RSRC1: variants seen among roughly 807,000 people sequenced by gnomAD.
RSRC1 encodes the protein serine/Arginine-related protein 53.
A neutral mutation model predicts 49.1 loss-of-function variants in RSRC1; 39 were observed. The observed-to-expected ratio is 0.79, with a 90% CI of 0.61 to 1.04. The LOEUF is 1.04. Among genes scored for constraint, RSRC1 ranks in the 50% least tolerant of loss-of-function variants. The pLI, the probability that RSRC1 is intolerant of heterozygous loss-of-function variation, is 0.00. For missense variants in RSRC1, 388 were observed against 402.4 expected, an observed-to-expected ratio of 0.96 and a Z score of 0.31; for synonymous variants, 143 against 130.8, an observed-to-expected ratio of 1.09 and a Z score of -0.63.
intron 5 of RSRC1, among the ~76,000 whole-genome samples, chr3:158,327,749 T>A (rs992382813): frequency 9.9e-5 from 15 of 152,218 alleles, no homozygotes; most frequent in Non-Finnish European, 2.1e-4. Context: ...CTATTAGGTC[T>A]GCTTGGTGAA....
intron 4 of RSRC1, among the ~76,000 whole-genome samples, chr3:158,277,402 TTC>T (rs1725877126): frequency 6.6e-6 from 1 of 152,196 alleles, no homozygotes; most frequent in South Asian, 2.1e-4. Flanking sequence ...ATTTATAAAA[TTC>T]TGTTAGATTC....
At chr3:158,480,721 C>A (rs879395944) in intron 7 of RSRC1, among the ~76,000 whole-genome samples, 4 of 151,972 alleles carry the variant, frequency 2.6e-5, no homozygotes, top group Non-Finnish European at 5.9e-5. Context: ...TCTTCCCCTG[C>A]AAAATAAACA....
At chr3:158,350,439 G>C (rs1730809993) in intron 5 of RSRC1, among the ~76,000 whole-genome samples, 1 of 152,034 alleles carries the variant, frequency 6.6e-6, no homozygotes, top group Non-Finnish European at 1.5e-5. Context: ...CTCCCAAAGT[G>C]CTAGATTACG....
intron 7 of RSRC1, among the ~76,000 whole-genome samples, chr3:158,472,537 A>G (rs1738182795): frequency 6.6e-6 from 1 of 152,318 alleles, no homozygotes; most frequent in East Asian, 1.9e-4. Flanking sequence ...CATAATGCTC[A>G]GTTGGAAAAA....
intron 4 of RSRC1, among the ~76,000 whole-genome samples, chr3:158,281,499 C>T (rs1726167307): frequency 6.6e-6 from 1 of 151,974 alleles, no homozygotes; most frequent in South Asian, 2.1e-4. Flanking sequence ...AGACTAGGGC[C>T]CAGGACTGAT....
At chr3:158,239,099 C>T (rs1242540368) in intron 4 of RSRC1, among the ~76,000 whole-genome samples, 2 of 152,062 alleles carry the variant, frequency 1.3e-5, no homozygotes, top group South Asian at 2.1e-4. Flanking sequence ...AGCCAACAGA[C>T]ACATGAAAAA....
chr3:158,493,230 T>G (rs993909450), intron 7 of RSRC1, among the ~76,000 whole-genome samples: 2 of 152,324 alleles, frequency 1.3e-5, no homozygotes, highest in East Asian at 1.9e-4. Flanking sequence ...TGTTCACAAC[T>G]AAGCAGTTAT....
In RSRC1 at chr3:158,325,110, T is replaced by C. The variant is rs570800152; in HGVS notation, c.531+27035T>C. 3.9e-5 allele frequency among the ~76,000 whole-genome samples: 6 copies of C among 152,356 alleles called. No homozygotes were observed. The East Asian group carries it at 5.8e-4, about 15-fold the overall frequency. ...TTCTTGTAACTTTGTTTGAGTTCTT[T>C]GTAGATTCTGGATATTAGCCCTTTG... On this transcript the variant is annotated intron_variant, in intron 5 of 9. Coordinates refer to ENST00000611884, the MANE Select transcript of RSRC1 (RefSeq NM_001271838.2).
intron 7 of RSRC1, among the ~76,000 whole-genome samples, chr3:158,487,975 C>T: frequency 2.6e-5 from 1 of 37,868 alleles, no homozygotes. Context: ...AAAAAAAAAA[C>T]TGGCTGAATG....
intron 6 of RSRC1, among the ~76,000 whole-genome samples, chr3:158,400,266 A>G (rs1173120688): frequency 1.3e-5 from 2 of 152,122 alleles, no homozygotes; most frequent in Non-Finnish European, 2.9e-5. Flanking sequence ...TGATGCTGGT[A>G]TAAACAAACT....
At chr3:158,141,094 C>G (rs1453026060) in intron 3 of RSRC1, among the ~76,000 whole-genome samples, 1 of 152,174 alleles carries the variant, frequency 6.6e-6, no homozygotes, top group Non-Finnish European at 1.5e-5. Context: ...TTTAAAGTCC[C>G]TATTTTGAGA....
At chr3:158,505,361 G>A (rs1739804479) in intron 7 of RSRC1, among the ~76,000 whole-genome samples, 1 of 152,090 alleles carries the variant, frequency 6.6e-6, no homozygotes, top group South Asian at 2.1e-4. Context: ...CTAACTCTTA[G>A]GCCAGCTTTC....
At chr3:158,367,004 A>G (rs1175396073) in intron 6 of RSRC1, among the ~76,000 whole-genome samples, 1 of 152,142 alleles carries the variant, frequency 6.6e-6, no homozygotes, top group Non-Finnish European at 1.5e-5. Context: ...ATATCCTGAG[A>G]CTTTGCTGAA....
chr3:158,379,391 G>A (rs959720938), intron 6 of RSRC1, among the ~76,000 whole-genome samples: 10 of 151,412 alleles, frequency 6.6e-5, no homozygotes, highest in South Asian at 2.1e-4. Context: ...TAGTAGAGAC[G>A]GGGTTTCACC....
intron 3 of RSRC1, among the ~76,000 whole-genome samples, chr3:158,144,331 G>C (rs1578130070): frequency 6.6e-6 from 1 of 150,414 alleles, no homozygotes; most frequent in Non-Finnish European, 1.5e-5. Flanking sequence ...TCCCCTTCCT[G>C]TGTCCAAGTG....
intron 4 of RSRC1, among the ~76,000 whole-genome samples, chr3:158,273,958 A>G (rs1030505380): frequency 6.6e-6 from 1 of 152,164 alleles, no homozygotes; most frequent in African/African-American, 2.4e-5. Context: ...GTGTAACACT[A>G]CACAGATTTA....
At chr3:158,260,901 C>T (rs1403180185) in intron 4 of RSRC1, among the ~76,000 whole-genome samples, 1 of 152,182 alleles carries the variant, frequency 6.6e-6, no homozygotes, top group South Asian at 2.1e-4. Context: ...CCCAAGTGCA[C>T]AGATTCTGTC....
intron 4 of RSRC1, among the ~76,000 whole-genome samples, chr3:158,248,448 G>A (rs1209335537): frequency 1.3e-5 from 2 of 152,088 alleles, no homozygotes; most frequent in Non-Finnish European, 2.9e-5. Flanking sequence ...TTAATAAACA[G>A]TTGAGTTGTT....
chr3:158,456,150 A>C (rs1737304887), intron 6 of RSRC1, among the ~76,000 whole-genome samples: 1 of 152,020 alleles, frequency 6.6e-6, no homozygotes, highest in Non-Finnish European at 1.5e-5. Context: ...TTAAAATAAT[A>C]TACATGTGTT....
Sources: allele counts gnomAD v4.1 joint callset (sites outside exome capture counted in the v4.1 genomes callset), GRCh38; gene constraint gnomAD v4.1.1; transcripts MANE v1.5; gene names NCBI Gene and HGNC (gene_info 2026-07-23, HGNC 2026-07-21).